LRP1B: variants seen among roughly 807,000 people sequenced by gnomAD.
LRP1B encodes LDL receptor related protein 1B.
A neutral mutation model predicts 556.6 loss-of-function variants in LRP1B; 217 were observed. That is an observed-to-expected ratio of 0.39 (90% CI 0.35 to 0.44). The LOEUF is 0.44. Ranked by LOEUF, LRP1B falls within the 20% of genes least tolerant of loss-of-function variation. The pLI, the probability that LRP1B is intolerant of heterozygous loss-of-function variation, is 1.00. For missense variants in LRP1B, 5,053 were observed against 5,620.8 expected (o/e 0.90, Z 3.23); for synonymous variants, 2,047 against 1,865.8 (o/e 1.10, Z -2.50).
intron 32 of LRP1B, among the ~76,000 whole-genome samples, chr2:140,791,643 A>G (rs900723836): frequency 1.3e-5 from 2 of 152,182 alleles, no homozygotes; most frequent in African/African-American, 2.4e-5. Context: ...ATTTTTTAAT[A>G]ACTTCTAGCC....
At chr2:140,921,493 T>A (rs992823814) in intron 21 of LRP1B, among the ~76,000 whole-genome samples, 17 of 151,974 alleles carry the variant, frequency 1.1e-4, no homozygotes, top group African/African-American at 4.1e-4. Flanking sequence ...GGCATTAGAA[T>A]TCCCCTATTA....
intron 7 of LRP1B, among the ~76,000 whole-genome samples, chr2:141,102,923 T>A (rs1221113042): frequency 1.3e-5 from 2 of 152,104 alleles, no homozygotes; most frequent in East Asian, 3.9e-4. Context: ...CAGCACCAAT[T>A]GTGAATGCCA....
chr2:140,734,977 C>T (rs927455306), intron 35 of LRP1B, among the ~76,000 whole-genome samples: 2 of 152,188 alleles, frequency 1.3e-5, no homozygotes, highest in Admixed American at 6.5e-5. Context: ...GTGTATTTCT[C>T]AATAACAATC....
chr2:140,621,959 A>T (rs1039466824), intron 41 of LRP1B, among the ~76,000 whole-genome samples: 4 of 152,240 alleles, frequency 2.6e-5, no homozygotes, highest in Non-Finnish European at 5.9e-5. Context: ...ACCCGGAAGA[A>T]ATCATGTAGG....
chr2:141,190,300 A>G (rs1039554432), intron 6 of LRP1B, among the ~76,000 whole-genome samples: 1 of 151,970 alleles, frequency 6.6e-6, no homozygotes, highest in Admixed American at 6.6e-5. Context: ...TCTCCTCTTA[A>G]TATGTCTGCT....
chr2:141,476,147 G>A (rs754558837), intron 3 of LRP1B, among the ~76,000 whole-genome samples: 3 of 152,174 alleles, frequency 2.0e-5, no homozygotes, highest in Admixed American at 6.5e-5. Flanking sequence ...CCCCTTCCTG[G>A]AAGGGGTTTG....
intron 2 of LRP1B, among the ~76,000 whole-genome samples, chr2:141,579,527 C>T (rs1225404782): frequency 6.6e-6 from 1 of 151,952 alleles, no homozygotes; most frequent in East Asian, 1.9e-4. Flanking sequence ...TGAACGATTG[C>T]ATTAATATGG....
At chr2:141,577,708 G>A (rs945901402) in intron 2 of LRP1B, among the ~76,000 whole-genome samples, 8 of 152,018 alleles carry the variant, frequency 5.3e-5, no homozygotes, top group Non-Finnish European at 1.0e-4. Context: ...AGATCATAGG[G>A]GCACCATTTA....
intron 2 of LRP1B, among the ~76,000 whole-genome samples, chr2:141,548,281 CATT>C (rs1212608391): frequency 6.6e-6 from 1 of 152,138 alleles, no homozygotes; most frequent in African/African-American, 2.4e-5. Flanking sequence ...AGTTTGCTGT[CATT>C]ATTGTTGTAG....
chr2:140,414,719 A>T (rs554184630), intron 66 of LRP1B, among the ~76,000 whole-genome samples: 1 of 152,336 alleles, frequency 6.6e-6, no homozygotes, highest in South Asian at 2.1e-4. Context: ...ACGTCACCTC[A>T]GGACCACTGT....
At chr2:140,959,963 G>T (rs1299913991) in intron 18 of LRP1B, among the ~76,000 whole-genome samples, 8 of 151,634 alleles carry the variant, frequency 5.3e-5, no homozygotes, top group Non-Finnish European at 1.2e-4. Context: ...TAGTAGTGAG[G>T]TTGCCTGGGG....
At chr2:140,889,417 A>T (rs1208602681) in intron 23 of LRP1B, among the ~76,000 whole-genome samples, 4 of 152,158 alleles carry the variant, frequency 2.6e-5, no homozygotes, top group Admixed American at 2.0e-4. Flanking sequence ...TGCCTCAGCC[A>T]CCTGAATAGC....
At chr2:141,070,614 C>T (rs1429213186) in intron 7 of LRP1B, among the ~76,000 whole-genome samples, 5 of 151,754 alleles carry the variant, frequency 3.3e-5, no homozygotes, top group East Asian at 3.9e-4. Context: ...CTAGCAAGAT[C>T]AATAAAGAAG....
chr2:141,923,444 ATATG>A (rs1337806470), intron 1 of LRP1B, among the ~76,000 whole-genome samples: 81 of 64,316 alleles, frequency 1.3e-3, no homozygotes, highest in African/African-American at 2.8e-3. Context: ...GATTATATAT[ATATG>A]TGTGTGTGTG....
intron 68 of LRP1B, among the ~76,000 whole-genome samples, chr2:140,377,083 T>G (rs369943650): frequency 6.6e-6 from 1 of 152,098 alleles, no homozygotes; most frequent in Admixed American, 6.6e-5. Flanking sequence ...AGGATCTTTT[T>G]TTGTTGTTGT....
At chr2:141,689,467 A>C (rs1400571577) in intron 2 of LRP1B, among the ~76,000 whole-genome samples, 1 of 151,866 alleles carries the variant, frequency 6.6e-6, no homozygotes, top group Non-Finnish European at 1.5e-5. Flanking sequence ...ATACACATCA[A>C]TTATAAACAC....
chr2:140,649,702 T>C (rs115030306), intron 41 of LRP1B, among the ~76,000 whole-genome samples: 4,825 of 152,320 alleles, frequency 0.032, 117 homozygotes, highest in Non-Finnish European at 0.048. Flanking sequence ...CAGAATCACA[T>C]TGGTTCCTCC....
chr2:140,281,417 A>T (rs971136521), intron 84 of LRP1B, among the ~76,000 whole-genome samples: 10 of 151,892 alleles, frequency 6.6e-5, no homozygotes, highest in African/African-American at 2.4e-4. Context: ...AGAGAAGAAA[A>T]TCAAAATAAA....
rs535884387 is a variant in LRP1B at position 140,811,263 on chromosome 2, A to G, written c.5359+2394T>C. Among the ~76,000 whole-genome samples the G allele has an allele frequency of 1.4e-4, 22 of 152,254 alleles. No homozygotes were observed. In the South Asian group the frequency reaches 4.6e-3, roughly 32 times the overall value. ...CTCATTCAAATTTTCTCCTTCTTCC[A>G]TTTATCAGTCAACAAACCTAACATC... On this transcript the variant is annotated intron_variant, in intron 32 of 90. Coordinates refer to ENST00000389484, the MANE Select transcript of LRP1B (RefSeq NM_018557.3).
Sources: gnomAD v4.1 joint callset for allele counts (sites outside exome capture counted in the v4.1 genomes callset) on GRCh38, gnomAD v4.1.1 for gene constraint, MANE v1.5 for transcripts, NCBI Gene and HGNC (gene_info 2026-07-23, HGNC 2026-07-21) for gene names.